QTMAN: variants seen among roughly 807,000 people sequenced by gnomAD.
QTMAN encodes the protein queuosine-tRNA mannosyltransferase.
chr2:144,252,414 G>T, the QTMAN span, among the ~76,000 whole-genome samples: 25 of 152,014 alleles, frequency 1.6e-4, no homozygotes, highest in Non-Finnish European at 2.9e-4. Context: ...AAAAGTAAGG[G>T]GGGGCAAAAG....
At chr2:144,132,397 T>C in the QTMAN span, among the ~76,000 whole-genome samples, 1 of 152,070 alleles carries the variant, frequency 6.6e-6, no homozygotes, top group Non-Finnish European at 1.5e-5. Context: ...AAATTGTTTA[T>C]TTTTTAATGG....
the QTMAN span, among the ~76,000 whole-genome samples, chr2:144,324,756 G>A: frequency 6.6e-6 from 1 of 151,508 alleles, no homozygotes; most frequent in African/African-American, 2.4e-5. Context: ...TGAAAATAAA[G>A]AGCCATGTTT....
chr2:144,046,154 A>T, the QTMAN span, among the ~76,000 whole-genome samples: 1 of 152,218 alleles, frequency 6.6e-6, no homozygotes, highest in African/African-American at 2.4e-5. Context: ...ACTTACTAAC[A>T]CTATCAAATA....
At chr2:144,297,586 T>C in the QTMAN span, among the ~76,000 whole-genome samples, 1 of 147,552 alleles carries the variant, frequency 6.8e-6, no homozygotes, top group Non-Finnish European at 1.5e-5. Flanking sequence ...TCTTTTTTTT[T>C]TTTTTTTTTT....
At chr2:144,047,693 T>C in the QTMAN span, among the ~76,000 whole-genome samples, 1 of 152,246 alleles carries the variant, frequency 6.6e-6, no homozygotes, top group African/African-American at 2.4e-5. Context: ...TATTTTATGG[T>C]AGCGCCCTTC....
chr2:144,086,757 A>G, the QTMAN span, among the ~76,000 whole-genome samples: 1 of 152,220 alleles, frequency 6.6e-6, no homozygotes, highest in Non-Finnish European at 1.5e-5. Context: ...ATTATCAAAC[A>G]TCAAGATAAG....
the QTMAN span, among the ~76,000 whole-genome samples, chr2:144,222,976 C>T: frequency 1.3e-5 from 2 of 152,184 alleles, no homozygotes; most frequent in East Asian, 3.9e-4. Flanking sequence ...TTTATATACA[C>T]GTAATATGTG....
the QTMAN span, among the ~76,000 whole-genome samples, chr2:144,310,119 G>A: frequency 6.6e-6 from 1 of 152,130 alleles, no homozygotes; most frequent in Non-Finnish European, 1.5e-5. Context: ...TAAATAAGAT[G>A]GCCAAAGAAG....
chr2:144,256,538 A>G, the QTMAN span, among the ~76,000 whole-genome samples: 6 of 152,336 alleles, frequency 3.9e-5, no homozygotes, highest in African/African-American at 1.4e-4. Flanking sequence ...GAATGAGTTC[A>G]TGTCCTTTGC....
At chr2:144,167,935 AT>A in the QTMAN span, among the ~76,000 whole-genome samples, 1 of 152,100 alleles carries the variant, frequency 6.6e-6, no homozygotes, top group African/African-American at 2.4e-5. Flanking sequence ...CCAACCCTGG[AT>A]TTTTATCAGC....
chr2:144,280,397 A>G, the QTMAN span, among the ~76,000 whole-genome samples: 4 of 152,322 alleles, frequency 2.6e-5, no homozygotes, highest in East Asian at 7.7e-4. Flanking sequence ...AAACACCACC[A>G]TTTAAAATTA....
the QTMAN span, among the ~76,000 whole-genome samples, chr2:144,116,982 G>A: frequency 7.2e-5 from 11 of 152,282 alleles, no homozygotes; most frequent in East Asian, 1.9e-3. Context: ...CTCTAGAATA[G>A]TTTTCAAGAT....
At chr2:144,038,765 AC>A in the QTMAN span, among the ~76,000 whole-genome samples, 1 of 152,164 alleles carries the variant, frequency 6.6e-6, no homozygotes, top group Non-Finnish European at 1.5e-5. Flanking sequence ...TGTGGATCCT[AC>A]CCCTCAATAG....
At chr2:144,303,929 T>C in the QTMAN span, among the ~76,000 whole-genome samples, 4 of 152,208 alleles carry the variant, frequency 2.6e-5, no homozygotes, top group Non-Finnish European at 5.9e-5. Flanking sequence ...GGAACAGATA[T>C]CAGAGTTTTA....
the QTMAN span, among the ~76,000 whole-genome samples, chr2:144,289,633 T>G: frequency 6.6e-6 from 1 of 151,948 alleles, no homozygotes; most frequent in Non-Finnish European, 1.5e-5. Context: ...GATGGAGGAA[T>G]AAAGAAAGAC....
At chr2:143,968,116 C>T in the QTMAN span, among the ~76,000 whole-genome samples, 1 of 152,328 alleles carries the variant, frequency 6.6e-6, no homozygotes, top group South Asian at 2.1e-4. Flanking sequence ...ATCCATTCCA[C>T]ACCTGGGCTC....
chr2:144,304,239 T>G, the QTMAN span, among the ~76,000 whole-genome samples: 2 of 152,198 alleles, frequency 1.3e-5, no homozygotes, highest in African/African-American at 4.8e-5. Flanking sequence ...AAGATTAATT[T>G]ACCTCTGTAT....
the QTMAN span, among the ~76,000 whole-genome samples, chr2:144,082,545 G>T: frequency 3.3e-5 from 5 of 152,058 alleles, no homozygotes; most frequent in Non-Finnish European, 4.4e-5. Context: ...TTGGTTTCAG[G>T]GTGGTAGAAA....
chr2:144,246,164 A>C, the QTMAN span, among the ~76,000 whole-genome samples: 1 of 152,256 alleles, frequency 6.6e-6, no homozygotes, highest in Admixed American at 6.5e-5. Flanking sequence ...GCACATGGGC[A>C]CATGTAAAGT....
Sources: allele counts gnomAD v4.1 joint callset (sites outside exome capture counted in the v4.1 genomes callset), GRCh38; gene constraint gnomAD v4.1.1; transcripts MANE v1.5; gene names NCBI Gene and HGNC (gene_info 2026-07-23, HGNC 2026-07-21).